THSD7B: variants seen among roughly 807,000 people sequenced by gnomAD.
The protein encoded by THSD7B is thrombospondin type 1 domain containing 7B, also known as thrombospondin type-1 domain-containing protein 7B.
Under a neutral mutation model 213.6 loss-of-function variants are expected in THSD7B, and 138 were observed. The ratio of observed to expected loss-of-function variants is 0.65; its 90% CI spans 0.56 to 0.74. THSD7B has a LOEUF of 0.74. Among genes scored for constraint, THSD7B ranks in the 30% least tolerant of loss-of-function variants. THSD7B has a pLI of 0.00. For synonymous variants in THSD7B, 742 were observed against 687.0 expected (o/e 1.08, Z -1.25); for missense variants, 1,931 against 1,991.5 (o/e 0.97, Z 0.58).
intron 1 of THSD7B, among the ~76,000 whole-genome samples, chr2:136,843,088 A>ATT (rs58411751): frequency 1.6e-5 from 2 of 128,510 alleles, no homozygotes; most frequent in Non-Finnish European, 1.7e-5. Flanking sequence ...GAGTGGTTTC[A>ATT]TTTTTTTTTT....
intron 5 of THSD7B, among the ~76,000 whole-genome samples, chr2:137,119,605 G>A (rs1688510507): frequency 6.6e-6 from 1 of 152,146 alleles, no homozygotes; most frequent in South Asian, 2.1e-4. Context: ...AGAGAGCTCA[G>A]GGTAAAAGAA....
At chr2:136,821,659 C>T (rs1682565889) in intron 1 of THSD7B, among the ~76,000 whole-genome samples, 2 of 152,134 alleles carry the variant, frequency 1.3e-5, no homozygotes, top group Non-Finnish European at 2.9e-5. Flanking sequence ...GTTAGAAGAC[C>T]AGGAGCTCTG....
At chr2:137,342,395 G>GT (rs59371207) in intron 12 of THSD7B, among the ~76,000 whole-genome samples, 17 of 150,270 alleles carry the variant, frequency 1.1e-4, no homozygotes, top group East Asian at 3.9e-4. Context: ...TCTAACAGGG[G>GT]TTTTTTTTTT....
chr2:137,026,980 G>A (rs1686568118), intron 2 of THSD7B, among the ~76,000 whole-genome samples: 1 of 152,152 alleles, frequency 6.6e-6, no homozygotes, highest in African/African-American at 2.4e-5. Flanking sequence ...CTTGAGCTAT[G>A]GGTTCAGTTT....
chr2:137,073,542 G>T (rs1319745993), intron 3 of THSD7B, among the ~76,000 whole-genome samples: 1 of 152,154 alleles, frequency 6.6e-6, no homozygotes, highest in Non-Finnish European at 1.5e-5. Context: ...ACAGCTCCTG[G>T]ATTCATTGAT....
intron 7 of THSD7B, among the ~76,000 whole-genome samples, chr2:137,192,303 A>T (rs932234056): frequency 8.5e-5 from 13 of 152,212 alleles, no homozygotes; most frequent in Admixed American, 3.9e-4. Context: ...CTCCAAGTAT[A>T]TTATAGTATA....
intron 2 of THSD7B, among the ~76,000 whole-genome samples, chr2:137,005,439 TTGAC>T (rs1206089686): frequency 1.3e-5 from 2 of 152,258 alleles, no homozygotes; most frequent in Non-Finnish European, 2.9e-5. Context: ...TTTACTTTGT[TTGAC>T]TGGCACCTTG....
At chr2:137,133,537 G>C (rs987785114) in intron 5 of THSD7B, among the ~76,000 whole-genome samples, 5 of 151,972 alleles carry the variant, frequency 3.3e-5, no homozygotes, top group African/African-American at 9.7e-5. Flanking sequence ...TAAAGTTGGC[G>C]TGGGAGTGGG....
intron 1 of THSD7B, among the ~76,000 whole-genome samples, chr2:136,869,598 TA>T (rs1353846176): frequency 6.6e-6 from 1 of 152,202 alleles, no homozygotes; most frequent in Non-Finnish European, 1.5e-5. Flanking sequence ...CCATAAGAAG[TA>T]AAAAAATCAT....
At chr2:137,332,020 G>T (rs918304845) in intron 12 of THSD7B, among the ~76,000 whole-genome samples, 1 of 152,162 alleles carries the variant, frequency 6.6e-6, no homozygotes, top group African/African-American at 2.4e-5. Context: ...TGAGGGAGCC[G>T]GCTCCGGCCT....
At chr2:136,980,046 G>T (rs1430265622) in intron 2 of THSD7B, among the ~76,000 whole-genome samples, 1 of 151,942 alleles carries the variant, frequency 6.6e-6, no homozygotes, top group Admixed American at 6.6e-5. Flanking sequence ...GCTTTGCTGG[G>T]GGTTCACTCC....
Position 137,115,193 on chromosome 2 carries a change from C to T in THSD7B, c.1269C>T (p.His423=), listed in dbSNP as rs755006342. Residue 423 remains histidine, a synonymous_variant, in exon 5 of 28, where the codon CAC becomes CAT. Coordinates refer to ENST00000409968, the MANE Select transcript of THSD7B (RefSeq NM_001316349.2). ...VSLLLEQQDP[H]WHVTGPVCGG... ...TCCTCCTCGAGCAGCAGGATCCCCACTGGCATGTGACGGGACCCGTGTGTG... is the reference window on the plus strand; with the variant it reads ...TCCTCCTCGAGCAGCAGGATCCCCATTGGCATGTGACGGGACCCGTGTGTG... The T allele has an allele frequency of 3.1e-6, 5 of 1,613,948 alleles. No homozygotes were observed. The highest frequency in any genetic ancestry group is 4.2e-6 in the Non-Finnish European group (5 of 1,179,864).
In THSD7B at chr2:137,080,254, G is replaced by A. The variant is rs763810281; in HGVS notation, c.951-14619G>A. On this transcript the variant is annotated intron_variant, in intron 3 of 27. Coordinates refer to ENST00000409968, the MANE Select transcript of THSD7B (RefSeq NM_001316349.2). ...CTCACTTCATCACCCAGGCTGGGGT[G>A]CAGTGGTACAATCTTAGCTCACTGC... Among the ~76,000 whole-genome samples the A allele has an allele frequency of 2.6e-5, 4 of 151,770 alleles. No homozygotes were observed. The South Asian group carries it at 6.2e-4, about 24-fold the overall frequency.
At chr2:137,572,306 A>C in intron 16 of THSD7B, 100 bp from the exon 17 acceptor site, 1 of 1,383,328 alleles carries the variant, frequency 7.2e-7, no homozygotes, top group South Asian at 1.4e-5. Context: ...GTCTTATGTT[A>C]TATTTAACTA....
intron 2 of THSD7B, among the ~76,000 whole-genome samples, chr2:137,036,659 G>A (rs190664450): frequency 1.3e-5 from 2 of 152,262 alleles, no homozygotes; most frequent in African/African-American, 2.4e-5. Flanking sequence ...TCAAAATAGT[G>A]TGCACATTCT....
intron 15 of THSD7B, among the ~76,000 whole-genome samples, chr2:137,503,755 G>A (rs1481837232): frequency 1.3e-5 from 2 of 152,066 alleles, no homozygotes; most frequent in African/African-American, 4.8e-5. Context: ...AGCCGGGCGC[G>A]GTAGCTCACG....
rs972218319 is a variant in THSD7B, at chr2:137,025,871, A to G, written c.140-30549A>G. 3.9e-5 allele frequency among the ~76,000 whole-genome samples: 6 copies of G among 152,204 alleles called. No homozygotes were observed. In the East Asian group the frequency reaches 9.7e-4, roughly 25 times the overall value. ...ATATATTATTAAAGGAGAAAAATAG[A>G]TTTAGTTAGATATCAGCCATCTCTG... On this transcript the variant is annotated intron_variant, in intron 2 of 27. Coordinates refer to ENST00000409968, the MANE Select transcript of THSD7B (RefSeq NM_001316349.2).
intron 4 of THSD7B, among the ~76,000 whole-genome samples, chr2:137,111,252 T>C (rs1688341058): frequency 6.6e-6 from 1 of 152,210 alleles, no homozygotes; most frequent in Non-Finnish European, 1.5e-5. Flanking sequence ...TATTTTTGTC[T>C]ACACCCAGAA....
At chr2:137,165,013 G>T (rs1271232595) in intron 6 of THSD7B, among the ~76,000 whole-genome samples, 6 of 151,994 alleles carry the variant, frequency 3.9e-5, no homozygotes, top group African/African-American at 1.5e-4. Flanking sequence ...ATGTACCCTA[G>T]AACCTAAAGT....
Sources: allele counts gnomAD v4.1 joint callset (sites outside exome capture counted in the v4.1 genomes callset), GRCh38; gene constraint gnomAD v4.1.1; transcripts MANE v1.5; gene names NCBI Gene and HGNC (gene_info 2026-07-23, HGNC 2026-07-21).